OR2L13: variants seen among roughly 807,000 people sequenced by gnomAD.
The protein encoded by OR2L13 is olfactory receptor 2L13.
In OR2L13, 14 loss-of-function variants were observed where a neutral mutation model predicts 15.3. The ratio of observed to expected loss-of-function variants is 0.91; its 90% CI spans 0.60 to 1.43. The LOEUF is 1.43. Ranked by LOEUF, OR2L13 falls within the 40% of genes most tolerant of loss-of-function variation. The probability of loss-of-function intolerance (pLI) is 0.00; values close to 1 mark genes in which losing one functional copy is unlikely to be tolerated. For missense variants in OR2L13, 367 were observed against 387.9 expected, an observed-to-expected ratio of 0.95 and a Z score of 0.45; for synonymous variants, 152 against 142.9, an observed-to-expected ratio of 1.06 and a Z score of -0.45.
the OR2L13 span, chr1:248,051,130 T>TATATGTGTTTTTGTTA: frequency 6.6e-6 from 1 of 152,216 alleles, no homozygotes; most frequent in Admixed American, 6.5e-5. Context: ...TGTCTCCAAC[T>TATATGTGTTTTTGTTA]AACACTTTGT....
chr1:248,077,075 C>A, the OR2L13 span, among the ~76,000 whole-genome samples: 2 of 152,006 alleles, frequency 1.3e-5, no homozygotes, highest in Admixed American at 6.6e-5. Flanking sequence ...TTGTCAAAGG[C>A]CTTTTCTGCA....
the OR2L13 span, chr1:248,041,010 CTAATT>C: frequency 2.0e-5 from 3 of 152,074 alleles, no homozygotes; most frequent in Admixed American, 2.0e-4. Flanking sequence ...TTCTTCTCCT[CTAATT>C]TAAATTAAGT....
chr1:248,015,154 G>T, the OR2L13 span, among the ~76,000 whole-genome samples: 1 of 152,138 alleles, frequency 6.6e-6, no homozygotes, highest in Non-Finnish European at 1.5e-5. Context: ...TTAAAGAGTT[G>T]TGGTTCTCCA....
the OR2L13 span, chr1:248,013,643 C>T: frequency 6.6e-6 from 1 of 152,064 alleles, no homozygotes; most frequent in African/African-American, 2.4e-5. Flanking sequence ...ATTCAGAAAT[C>T]TTGCTTAGAA....
At chr1:248,044,853 T>A in the OR2L13 span, among the ~76,000 whole-genome samples, 1 of 146,168 alleles carries the variant, frequency 6.8e-6, no homozygotes, top group Non-Finnish European at 1.5e-5. Flanking sequence ...CTTCCCCAAG[T>A]GTCTCCAGAA....
At chr1:248,081,745 T>C in the OR2L13 span, among the ~76,000 whole-genome samples, 1 of 152,206 alleles carries the variant, frequency 6.6e-6, no homozygotes, top group East Asian at 1.9e-4. Flanking sequence ...TCCTCAACTC[T>C]TTCAGGGAGA....
At chr1:247,979,754 T>C in the OR2L13 span, among the ~76,000 whole-genome samples, 1 of 152,140 alleles carries the variant, frequency 6.6e-6, no homozygotes, top group Non-Finnish European at 1.5e-5. Flanking sequence ...CGCTGGGAGA[T>C]GTAGACTGGC....
the OR2L13 span, among the ~76,000 whole-genome samples, chr1:248,089,217 C>T: frequency 5.0e-3 from 759 of 152,140 alleles, 5 homozygotes; most frequent in African/African-American, 0.017. Flanking sequence ...TTATAAAGGA[C>T]GCAAATGAAG....
At chr1:248,041,354 C>T in the OR2L13 span, 2 of 152,092 alleles carry the variant, frequency 1.3e-5, no homozygotes, top group East Asian at 1.9e-4. Flanking sequence ...ATACAAAAAT[C>T]AATTCAAGAT....
chr1:248,019,639 G>A, the OR2L13 span, among the ~76,000 whole-genome samples: 15 of 152,236 alleles, frequency 9.9e-5, no homozygotes, highest in African/African-American at 2.9e-4. Context: ...CTTCCCAACT[G>A]AGTAAACTCA....
At chr1:248,064,355 G>A in the OR2L13 span, among the ~76,000 whole-genome samples, 6 of 152,098 alleles carry the variant, frequency 3.9e-5, no homozygotes, top group Admixed American at 1.3e-4. Flanking sequence ...AGAAGCCATC[G>A]TCTATGAACC....
At chr1:248,077,658 A>C in the OR2L13 span, among the ~76,000 whole-genome samples, 5 of 152,328 alleles carry the variant, frequency 3.3e-5, no homozygotes, top group African/African-American at 1.2e-4. Context: ...TGGGCATGAC[A>C]GCAAAGACAT....
At chr1:248,037,733 C>G in the OR2L13 span, among the ~76,000 whole-genome samples, 2 of 152,204 alleles carry the variant, frequency 1.3e-5, no homozygotes, top group African/African-American at 4.8e-5. Flanking sequence ...GTAGTCCCCT[C>G]TCATTCACTG....
At chr1:248,070,516 G>C in the OR2L13 span, among the ~76,000 whole-genome samples, 5 of 152,210 alleles carry the variant, frequency 3.3e-5, no homozygotes, top group African/African-American at 1.2e-4. Flanking sequence ...GCCCACAAGA[G>C]AAAGCAGGAA....
chr1:247,962,440 A>ATT, the OR2L13 span, among the ~76,000 whole-genome samples: 1 of 125,482 alleles, frequency 8.0e-6, no homozygotes, highest in African/African-American at 2.7e-5. Flanking sequence ...GCTGTGTGAC[A>ATT]CTGATTTAAA....
At chr1:248,030,643 A>AT in the OR2L13 span, among the ~76,000 whole-genome samples, 1 of 152,060 alleles carries the variant, frequency 6.6e-6, no homozygotes, top group African/African-American at 2.4e-5. Context: ...GTGATGTGCG[A>AT]TTGTACGATG....
chr1:248,022,538 A>G, the OR2L13 span: 2 of 1,614,160 alleles, frequency 1.2e-6, no homozygotes, highest in South Asian at 2.2e-5. Flanking sequence ...ATGAGTACAC[A>G]GTGTTTTTGA....
At chr1:247,952,649 A>C in the OR2L13 span, among the ~76,000 whole-genome samples, 127,173 of 152,114 alleles carry the variant, frequency 0.84, 56,839 homozygotes, top group Non-Finnish European at 0.98. Context: ...ATAGGTTACC[A>C]CAGTTTAAGA....
the OR2L13 span, among the ~76,000 whole-genome samples, chr1:247,966,806 C>T: frequency 0.02 from 3,077 of 152,194 alleles, 48 homozygotes; most frequent in East Asian, 0.071. Flanking sequence ...AATAATGTTT[C>T]TTTAAGAAAA....
Sources: allele counts gnomAD v4.1 joint callset (sites outside exome capture counted in the v4.1 genomes callset), GRCh38; gene constraint gnomAD v4.1.1; transcripts MANE v1.5; gene names NCBI Gene and HGNC (gene_info 2026-07-23, HGNC 2026-07-21).